Variants in PHACTR1 observed in about 807,000 individuals in gnomAD.
The protein encoded by PHACTR1 is phosphatase and actin regulator 1.
Under a neutral mutation model 69.2 loss-of-function variants are expected in PHACTR1, and 16 were observed. That is an observed-to-expected ratio of 0.23 (90% CI 0.16 to 0.35). The LOEUF (loss-of-function observed/expected upper bound fraction) is 0.35, where lower values mean the gene tolerates loss of function less well. Ranked by LOEUF, PHACTR1 falls within the 10% of genes least tolerant of loss-of-function variation. PHACTR1 has a pLI of 1.00. For synonymous variants in PHACTR1, 312 were observed against 284.5 expected (o/e 1.10, Z -0.97); for missense variants, 510 against 734.7 (o/e 0.69, Z 3.54).
At chr6:12,830,424 C>A (rs192506581) in intron 4 of PHACTR1, among the ~76,000 whole-genome samples, 7 of 151,642 alleles carry the variant, frequency 4.6e-5, no homozygotes, top group African/African-American at 1.7e-4. Context: ...TTTAAGCTCA[C>A]CTTGATGAAT....
At chr6:13,131,511 G>A (rs1008707872) in intron 5 of PHACTR1, among the ~76,000 whole-genome samples, 4 of 152,110 alleles carry the variant, frequency 2.6e-5, no homozygotes, top group African/African-American at 9.7e-5. Context: ...CTGCTCGGAT[G>A]AATGGGTGCA....
chr6:12,888,072 CAAA>C (rs33925347), intron 4 of PHACTR1, among the ~76,000 whole-genome samples: 1 of 71,920 alleles, frequency 1.4e-5, no homozygotes. Context: ...GACTCCATCT[CAAA>C]AAAAAAAAAA....
At chr6:12,903,065 T>C (rs1278874086) in intron 4 of PHACTR1, among the ~76,000 whole-genome samples, 3 of 152,150 alleles carry the variant, frequency 2.0e-5, no homozygotes, top group African/African-American at 7.2e-5. Flanking sequence ...GGTGACAAAG[T>C]GTGGTGGTGA....
At chr6:13,267,838 GAAAAAAAAAA>G (rs558900640) in intron 10 of PHACTR1, 2 of 101,058 alleles carry the variant, frequency 2.0e-5, no homozygotes, top group African/African-American at 5.2e-5. Context: ...GGAATGATCT[GAAAAAAAAAA>G]AAAAAAAAAA....
chr6:12,829,304 G>C (rs889508145), intron 4 of PHACTR1, among the ~76,000 whole-genome samples: 14 of 152,190 alleles, frequency 9.2e-5, no homozygotes, highest in African/African-American at 3.4e-4. Flanking sequence ...GCTCTTTCTA[G>C]TAGCAGAAAC....
chr6:12,894,344 C>T (rs897631680), intron 4 of PHACTR1, among the ~76,000 whole-genome samples: 3 of 152,212 alleles, frequency 2.0e-5, no homozygotes, highest in Non-Finnish European at 4.4e-5. Flanking sequence ...GTGGCTGACG[C>T]CTATAATCTC....
chr6:12,749,722 G>A lies in PHACTR1; in HGVS notation c.182G>A (p.Arg61Gln). Residue 61 changes from arginine (R) to glutamine (Q), a missense_variant, in exon 4 of 15, where the codon CGG (arginine) becomes CAG (glutamine). Coordinates refer to ENST00000332995, the MANE Select transcript of PHACTR1 (RefSeq NM_030948.6). ...GATGATATAGACCGGCGGCCCATCC[G>A]GAGAGTGCGCTCCAAGAGCGACACG... Reference protein sequence around the residue: ...SEDDIDRRPIRRVRSKSDTPY... With the variant: ...SEDDIDRRPIQRVRSKSDTPY... 1 of 1,612,222 alleles carries A rather than the reference G, an allele frequency of 6.2e-7. No individual in the cohort carries two copies. The highest frequency in any genetic ancestry group is 1.1e-5 in the South Asian group (1 of 91,038).
In PHACTR1 at chr6:12,830,810, G is replaced by A. The variant is rs180685056; in HGVS notation, c.250+81020G>A. ...GGGGTTTCATCATGTTGGCCAGGCT[G>A]GTCTCGAACTCCCAACCTCAGGTGA... On this transcript the variant is annotated intron_variant, in intron 4 of 14. Transcript: ENST00000332995. Among the ~76,000 whole-genome samples, 628 of 151,892 alleles carry A rather than the reference G, an allele frequency of 4.1e-3. 5 individuals carry two copies. The highest frequency in any genetic ancestry group is 0.014 in the African/African-American group (600 of 41,404).
At chr6:13,262,954 A>G (rs1035231026) in intron 10 of PHACTR1, among the ~76,000 whole-genome samples, 2 of 152,228 alleles carry the variant, frequency 1.3e-5, no homozygotes, top group African/African-American at 4.8e-5. Flanking sequence ...AAGGCCCTCA[A>G]AACAATAAGC....
intron 7 of PHACTR1, among the ~76,000 whole-genome samples, chr6:13,199,739 GATAGAA>G (rs1201196589): frequency 2.0e-5 from 3 of 152,038 alleles, no homozygotes; most frequent in Non-Finnish European, 4.4e-5. Context: ...ACAAGATATA[GATAGAA>G]ATAGAATAAA....
At chr6:13,141,284 C>T (rs1432348112) in intron 5 of PHACTR1, among the ~76,000 whole-genome samples, 4 of 152,184 alleles carry the variant, frequency 2.6e-5, no homozygotes, top group African/African-American at 7.2e-5. Context: ...ATCAACCCAA[C>T]TCAAATCAAC....
chr6:13,100,104 A>G (rs1296301849), intron 5 of PHACTR1, among the ~76,000 whole-genome samples: 1 of 152,244 alleles, frequency 6.6e-6, no homozygotes. Context: ...GTCCTCAACC[A>G]TCACTAGGTT....
chr6:12,897,503 A>G (rs555790539), intron 4 of PHACTR1, among the ~76,000 whole-genome samples: 1 of 152,052 alleles, frequency 6.6e-6, no homozygotes, highest in African/African-American at 2.4e-5. Context: ...GCATCCTCTC[A>G]TTATTGCCAT....
chr6:13,044,683 G>A (rs1222457737), intron 4 of PHACTR1, among the ~76,000 whole-genome samples: 2 of 152,186 alleles, frequency 1.3e-5, no homozygotes, highest in African/African-American at 4.8e-5. Flanking sequence ...ACCTCCACCA[G>A]CAGCTATTAG....
At chr6:12,918,797 A>G (rs1199969492) in intron 4 of PHACTR1, among the ~76,000 whole-genome samples, 1 of 152,228 alleles carries the variant, frequency 6.6e-6, no homozygotes, top group African/African-American at 2.4e-5. Flanking sequence ...CCAGGTGTCT[A>G]TTGGTGAAAG....
intron 4 of PHACTR1, among the ~76,000 whole-genome samples, chr6:12,954,478 G>A (rs971861772): frequency 2.0e-5 from 3 of 151,960 alleles, no homozygotes; most frequent in Non-Finnish European, 4.4e-5. Flanking sequence ...CTGAGGCCCT[G>A]CCACTTGAGA....
At chr6:13,104,885 G>A (rs937170773) in intron 5 of PHACTR1, among the ~76,000 whole-genome samples, 1 of 152,052 alleles carries the variant, frequency 6.6e-6, no homozygotes, top group Admixed American at 6.6e-5. Flanking sequence ...CAAATTAACA[G>A]GTTTTTATTG....
intron 4 of PHACTR1, among the ~76,000 whole-genome samples, chr6:12,832,824 T>C (rs1361617796): frequency 6.6e-6 from 1 of 152,148 alleles, no homozygotes; most frequent in Non-Finnish European, 1.5e-5. Context: ...ATATCAGTAA[T>C]AGACACGGGG....
Position 13,286,182 on chromosome 6 carries a change from A to G in PHACTR1, c.1687A>G (p.Thr563Ala), listed in dbSNP as rs1781662946. 3 of 1,607,570 alleles carry G rather than the reference A, an allele frequency of 1.9e-6. No individual in the cohort carries two copies. Among genetic ancestry groups the G allele is most frequent in the South Asian group, 2.2e-5 (2 of 89,082 alleles). ...AAAGGAGCTCAATGAATTCAAAAGC[A>G]CTGAGATGGAAGTTCATGAATTGAG... ...IRKELNEFKSTEMEVHELSRH... is the reference protein window; with the variant it reads ...IRKELNEFKSAEMEVHELSRH... The change falls in exon 14 of 15, where the codon ACT becomes GCT. Residue 563 changes from threonine to alanine, a missense_variant. By Grantham distance (58) the Thr-to-Ala change is moderately conservative (BLOSUM62 0). Coordinates refer to ENST00000332995, the MANE Select transcript of PHACTR1 (RefSeq NM_030948.6).
Sources: gnomAD v4.1 joint callset for allele counts (sites outside exome capture counted in the v4.1 genomes callset) on GRCh38, gnomAD v4.1.1 for gene constraint, MANE v1.5 for transcripts, NCBI Gene and HGNC (gene_info 2026-07-23, HGNC 2026-07-21) for gene names.